VPS26A: variants seen among roughly 807,000 people sequenced by gnomAD.
VPS26A encodes vacuolar protein sorting-associated protein 26A.
A neutral mutation model predicts 42.4 loss-of-function variants in VPS26A; 22 were observed. The observed-to-expected ratio is 0.52, with a 90% CI of 0.37 to 0.74. The LOEUF (loss-of-function observed/expected upper bound fraction) is 0.74. VPS26A is among the 30% of genes least tolerant of loss of function. The probability of loss-of-function intolerance (pLI) is 0.00; values close to 1 mark genes in which losing one functional copy is unlikely to be tolerated. For missense variants in VPS26A, 276 were observed against 379.2 expected, an observed-to-expected ratio of 0.73 and a Z score of 2.26; for synonymous variants, 110 against 123.5, an observed-to-expected ratio of 0.89 and a Z score of 0.73.
At chr10:69,146,747 T>G (rs557985090) in intron 2 of VPS26A, among the ~76,000 whole-genome samples, 2 of 152,332 alleles carry the variant, frequency 1.3e-5, no homozygotes, top group East Asian at 3.9e-4. Flanking sequence ...AGAACATCAT[T>G]CTTCTTTTGT....
At chr10:69,141,892 C>CT (rs913801354) in intron 2 of VPS26A, among the ~76,000 whole-genome samples, 185 of 148,828 alleles carry the variant, frequency 1.2e-3, no homozygotes, top group Middle Eastern at 3.5e-3. Flanking sequence ...AATGATTCCT[C>CT]TTTTTTTTTT....
At chr10:69,151,838 AT>A (rs1841320736) in intron 2 of VPS26A, among the ~76,000 whole-genome samples, 1 of 152,164 alleles carries the variant, frequency 6.6e-6, no homozygotes, top group Non-Finnish European at 1.5e-5. Context: ...TTTTTTCTAT[AT>A]GCTTTGTTGG....
At chr10:69,129,223 C>T (rs2132183023) in intron 1 of VPS26A, among the ~76,000 whole-genome samples, 1 of 152,208 alleles carries the variant, frequency 6.6e-6, no homozygotes, top group African/African-American at 2.4e-5. Flanking sequence ...TCCTCCCACA[C>T]AACCCCTGTA....
chr10:69,172,094 T>G lies in VPS26A; in HGVS notation c.*825T>G, dbSNP rs142945131. 6.6e-6 allele frequency: 1 copy of G among 152,342 alleles called. No homozygotes were observed. The highest frequency in any genetic ancestry group is 1.9e-4 in the East Asian group (1 of 5,188). 9.4% of individuals were successfully genotyped at this position (152,342 alleles called of 1,614,324 possible). A position where few individuals can be genotyped will look rare whatever the true frequency, so the allele number is the denominator to read the frequency against. On this transcript the variant is annotated 3_prime_UTR_variant, in exon 9 of 9. Transcript: ENST00000263559. ...ATAAATACTTTGAAACATATTTATA[T>G]ATTTCAATTTAAGGAATCTTTTTGC...
In VPS26A at chr10:69,131,968, A is replaced by G. The variant is rs12766875; in HGVS notation, c.4-930A>G. ...GATCTTTGTCCCTTATATTTGTCAT[A>G]TTCAGGATTTATAGAACAAGGCTTG... On this transcript the variant is annotated intron_variant, in intron 1 of 8. Transcript: ENST00000263559. Among the ~76,000 whole-genome samples the G allele has an allele frequency of 2.0e-5, 3 of 152,316 alleles. No homozygotes were observed. The South Asian group carries it at 6.2e-4, about 32-fold the overall frequency.
intron 7 of VPS26A, among the ~76,000 whole-genome samples, chr10:69,167,591 A>G (rs1319466219): frequency 2.6e-5 from 4 of 151,788 alleles, no homozygotes; most frequent in Non-Finnish European, 4.4e-5. Flanking sequence ...AATACAAAAA[A>G]AATTTGCAGG....
At chr10:69,153,862 A>G (rs947206951) in intron 2 of VPS26A, among the ~76,000 whole-genome samples, 2 of 152,158 alleles carry the variant, frequency 1.3e-5, no homozygotes, top group African/African-American at 4.8e-5. Context: ...GTAAGATGAT[A>G]TTCTCAGACT....
chr10:69,150,465 CG>C (rs1196044740), intron 2 of VPS26A, among the ~76,000 whole-genome samples: 1 of 152,158 alleles, frequency 6.6e-6, no homozygotes, highest in African/African-American at 2.4e-5. Flanking sequence ...AGCACGATCT[CG>C]GCTCACTGCA....
chr10:69,166,392 T>A (rs575068099), intron 7 of VPS26A, among the ~76,000 whole-genome samples: 1 of 152,284 alleles, frequency 6.6e-6, no homozygotes, highest in African/African-American at 2.4e-5. Flanking sequence ...TGTCTTCTAT[T>A]ATACAATAGT....
At chr10:69,155,943 T>C in intron 3 of VPS26A, 56 bp downstream of exon 3, 22 of 1,402,672 alleles carry the variant, frequency 1.6e-5, no homozygotes, top group Non-Finnish European at 2.2e-5. Flanking sequence ...TTGAAGAGGG[T>C]TGGATTTTGC....
At chr10:69,164,932 GTT>G (rs71487441) in intron 6 of VPS26A, among the ~76,000 whole-genome samples, 6,069 of 141,316 alleles carry the variant, frequency 0.043, 415 homozygotes, top group African/African-American at 0.15. Context: ...ATTGTTGGGT[GTT>G]TTTTTTTTTT....
At chr10:69,163,961 G>A (rs2132235052) in intron 6 of VPS26A, among the ~76,000 whole-genome samples, 1 of 151,304 alleles carries the variant, frequency 6.6e-6, no homozygotes. Context: ...TAGAGACGGG[G>A]TTTCACCGTG....
At chr10:69,127,093 A>ATTTTTTTTTTTTTTTTTTTTTT (rs71035057) in intron 1 of VPS26A, among the ~76,000 whole-genome samples, 8 of 97,552 alleles carry the variant, frequency 8.2e-5, no homozygotes, top group Admixed American at 1.2e-4. Context: ...CACCCGGCCA[A>ATTTTTTTTTTTTTTTTTTTTTT]TTTTTTTTTT....
intron 2 of VPS26A, among the ~76,000 whole-genome samples, chr10:69,151,272 A>AAAAAAAAAAAAACAAAC (rs1564680860): frequency 2.5e-5 from 2 of 81,556 alleles, no homozygotes; most frequent in South Asian, 8.5e-4. Context: ...GTCAAAAAAA[A>AAAAAAAAAAAAACAAAC]AAAAAAAAAA....
At position 69,172,165 on chromosome 10, in the gene VPS26A, CAG is replaced by C. The variant is rs1841829144; in HGVS notation, c.*897_*898del. 1 of 151,992 alleles carries C rather than the reference CAG, an allele frequency of 6.6e-6. No homozygotes were observed. Among genetic ancestry groups the C allele is most frequent in the Non-Finnish European group, 1.5e-5 (1 of 68,008 alleles). 9.4% of individuals were successfully genotyped at this position (151,992 alleles called of 1,614,324 possible). ...TTTCTTCATACATTCATTTTCTTTT[CAG>C]GGGAAAATTTTGGGATGGGGGACTC... On this transcript the variant is annotated 3_prime_UTR_variant, in exon 9 of 9. Transcript: ENST00000263559.
chr10:69,158,488 A>G (rs1177041714), intron 5 of VPS26A, among the ~76,000 whole-genome samples: 1 of 151,994 alleles, frequency 6.6e-6, no homozygotes, highest in Non-Finnish European at 1.5e-5. Flanking sequence ...GATACAATTT[A>G]TCTTACTGGC....
chr10:69,128,140 T>C (rs548334901), intron 1 of VPS26A, among the ~76,000 whole-genome samples: 1 of 152,168 alleles, frequency 6.6e-6, no homozygotes, highest in Non-Finnish European at 1.5e-5. Context: ...TGGTGTTAAT[T>C]GTGAAATTTT....
chr10:69,153,512 A>ATTTTTTTTTTTT (rs34345019), intron 2 of VPS26A, among the ~76,000 whole-genome samples: 2 of 139,304 alleles, frequency 1.4e-5, no homozygotes, highest in Non-Finnish European at 3.1e-5. Context: ...TACCCAGCTA[A>ATTTTTTTTTTTT]TTTTTTTTTT....
chr10:69,133,078 T>C, intron 2 of VPS26A, 31 bp downstream of exon 2: 1 of 1,593,662 alleles, frequency 6.3e-7, no homozygotes, highest in East Asian at 2.3e-5. Context: ...AACTATCTAA[T>C]TGTAAGATAT....
Sources: gnomAD v4.1 joint callset for allele counts (sites outside exome capture counted in the v4.1 genomes callset) on GRCh38, gnomAD v4.1.1 for gene constraint, MANE v1.5 for transcripts, NCBI Gene and HGNC (gene_info 2026-07-23, HGNC 2026-07-21) for gene names.